Variants in DIP2B observed in about 807,000 individuals in gnomAD.
DIP2B encodes disco-interacting protein 2 homolog B.
In DIP2B, 76 loss-of-function variants were observed where a neutral mutation model predicts 198.0. The ratio of observed to expected loss-of-function variants is 0.38; its 90% confidence interval spans 0.32 to 0.46. The LOEUF (loss-of-function observed/expected upper bound fraction) is 0.46. Ranked by LOEUF, DIP2B falls within the 20% of genes least tolerant of loss-of-function variation. The probability of loss-of-function intolerance (pLI) is 0.99; values close to 1 mark genes in which losing one functional copy is unlikely to be tolerated. For synonymous variants in DIP2B, 701 were observed against 739.1 expected, an observed-to-expected ratio of 0.95 and a Z score of 0.84; for missense variants, 1,559 against 1,978.4, an observed-to-expected ratio of 0.79 and a Z score of 4.02.
intron 30 of DIP2B, 100 bp downstream of exon 30, chr12:50,728,778 C>T (rs1198916748): frequency 2.8e-6 from 4 of 1,449,602 alleles, no homozygotes; most frequent in African/African-American, 1.4e-5. Flanking sequence ...GGTAAAGTTT[C>T]AGTAAAATGC....
At chr12:50,570,492 C>T (rs1374946382) in intron 1 of DIP2B, among the ~76,000 whole-genome samples, 7 of 152,206 alleles carry the variant, frequency 4.6e-5, no homozygotes. Context: ...AGGCGGATCA[C>T]TTGCGGTCAG....
At chr12:50,682,819 G>A (rs1939067360) in intron 9 of DIP2B, among the ~76,000 whole-genome samples, 2 of 152,066 alleles carry the variant, frequency 1.3e-5, no homozygotes, top group South Asian at 4.2e-4. Context: ...AATTGCCTTG[G>A]GTTTCCTAAG....
At chr12:50,610,279 A>G (rs1473064417) in intron 1 of DIP2B, among the ~76,000 whole-genome samples, 2 of 152,250 alleles carry the variant, frequency 1.3e-5, no homozygotes, top group South Asian at 2.1e-4. Context: ...AATGGTGGGT[A>G]GAGTTTTTTT....
chr12:50,511,682 G>A (rs922528326), intron 1 of DIP2B, among the ~76,000 whole-genome samples: 4 of 151,186 alleles, frequency 2.6e-5, no homozygotes, highest in African/African-American at 9.7e-5. Flanking sequence ...AGGCGCAGTG[G>A]CTCACACCTG....
At chr12:50,616,086 G>T (rs1210640840) in intron 1 of DIP2B, among the ~76,000 whole-genome samples, 1 of 152,208 alleles carries the variant, frequency 6.6e-6, no homozygotes, top group Non-Finnish European at 1.5e-5. Context: ...GTTTGAACTT[G>T]CTTGGTGCCT....
chr12:50,665,558 C>T (rs1327560915), intron 4 of DIP2B, among the ~76,000 whole-genome samples: 8 of 152,174 alleles, frequency 5.3e-5, no homozygotes, highest in African/African-American at 1.4e-4. Context: ...GCCTGGGCAA[C>T]ATAGCAAGAG....
intron 12 of DIP2B, among the ~76,000 whole-genome samples, chr12:50,690,757 A>G (rs1327220511): frequency 6.6e-6 from 1 of 152,196 alleles, no homozygotes; most frequent in Non-Finnish European, 1.5e-5. Context: ...TTCTATTCAT[A>G]TAGCTCCAAT....
chr12:50,607,108 C>CT (rs35474259), intron 1 of DIP2B, among the ~76,000 whole-genome samples: 49,273 of 143,994 alleles, frequency 0.34, 8,934 homozygotes, highest in East Asian at 0.74. Flanking sequence ...TGCTTGGCTT[C>CT]TTTTTTTTTT....
Position 50,693,005 on chromosome 12 carries a change from A to G in DIP2B, c.1711A>G (p.Met571Val), listed in dbSNP as rs373834315. 2.2e-5 allele frequency: 35 copies of G among 1,611,236 alleles called. No homozygotes were observed. Among genetic ancestry groups the G allele is most frequent in the Non-Finnish European group, 2.8e-5 (33 of 1,179,384 alleles). Residue 571 changes from methionine to valine, a missense_variant, in exon 14 of 38, where the codon ATG (methionine) becomes GTG (valine). Transcript: ENST00000301180. Reference protein sequence around the residue: ...FKKDAGLWHGMFANVMNKMHT... With the variant: ...FKKDAGLWHGVFANVMNKMHT... ...GAAGGATGCTGGGCTGTGGCACGGC[A>G]TGTTTGCGGTAAGCTACTCAGATTT... is the stretch of plus-strand genomic sequence containing the variant.
intron 34 of DIP2B, among the ~76,000 whole-genome samples, chr12:50,735,539 C>G (rs1940123827): frequency 6.6e-6 from 1 of 151,824 alleles, no homozygotes. Context: ...GCGATCTCGG[C>G]TCACTGCAAC....
At position 50,608,731 on chromosome 12, in the gene DIP2B, T is replaced by C. The variant is rs184097160; in HGVS notation, c.101-17245T>C. ...CTTAATGCGTGTTCCTAGATAATTT[T>C]ACATTAGTTTAAAAGTTTCTTTGCA... On this transcript the variant is annotated intron_variant, in intron 1 of 37. Transcript: ENST00000301180. Among the ~76,000 whole-genome samples, 25 of 152,344 alleles carry C rather than the reference T, an allele frequency of 1.6e-4. No individual in the cohort carries two copies. The East Asian group carries it at 2.9e-3, about 18-fold the overall frequency.
intron 7 of DIP2B, 75 bp from the exon 8 acceptor site, chr12:50,678,604 A>G: frequency 9.7e-6 from 14 of 1,436,200 alleles, no homozygotes; most frequent in Non-Finnish European, 1.2e-5. Context: ...AGGAAGATGC[A>G]GTTGAGATTA....
intron 28 of DIP2B, among the ~76,000 whole-genome samples, chr12:50,726,906 A>C (rs1939947174): frequency 2.0e-5 from 3 of 152,054 alleles, no homozygotes; most frequent in Admixed American, 2.0e-4. Context: ...TGGGCTCAGG[A>C]GTTGGAGACT....
At chr12:50,546,422 C>T (rs1349250000) in intron 1 of DIP2B, among the ~76,000 whole-genome samples, 1 of 152,094 alleles carries the variant, frequency 6.6e-6, no homozygotes, top group Non-Finnish European at 1.5e-5. Flanking sequence ...GAGGCCATGC[C>T]TGAGATCAGT....
chr12:50,693,592 G>A (rs937781874), intron 14 of DIP2B, among the ~76,000 whole-genome samples: 1 of 152,166 alleles, frequency 6.6e-6, no homozygotes, highest in African/African-American at 2.4e-5. Context: ...GGAAGAGGAG[G>A]TGGATCCCTT....
chr12:50,728,046 T>G (rs1015039481), intron 29 of DIP2B, among the ~76,000 whole-genome samples: 1 of 152,216 alleles, frequency 6.6e-6, no homozygotes, highest in African/African-American at 2.4e-5. Context: ...AAAAAGAGTT[T>G]TAGTTAAAAT....
chr12:50,654,505 C>T (rs1016169872), intron 3 of DIP2B, among the ~76,000 whole-genome samples: 1 of 151,876 alleles, frequency 6.6e-6, no homozygotes, highest in Admixed American at 6.6e-5. Context: ...CAGGCACATG[C>T]CACCACATGG....
intron 7 of DIP2B, among the ~76,000 whole-genome samples, chr12:50,677,559 G>A (rs1938968520): frequency 6.6e-6 from 1 of 152,120 alleles, no homozygotes; most frequent in African/African-American, 2.4e-5. Context: ...AGGTTGCAGT[G>A]AGCCGAGATC....
In DIP2B at chr12:50,505,190, C is replaced by T. The variant is rs1384765015; in HGVS notation, c.50C>T (p.Pro17Leu). 6 of 1,524,462 alleles carry T rather than the reference C, an allele frequency of 3.9e-6. No homozygotes were observed. Among genetic ancestry groups the T allele is most frequent in the Non-Finnish European group, 5.3e-6 (6 of 1,141,496 alleles). The allele number at this position is 1,524,462 out of a possible 1,614,324, so 94.4% of individuals were successfully genotyped here. ...EPSPAAVAALPPEVRAQLAEL... is the reference protein window; with the variant it reads ...EPSPAAVAALLPEVRAQLAEL... ...TCGCCGGCCGCGGTGGCGGCGCTGC[C>T]GCCTGAAGTGCGGGCGCAGCTGGCG... is the stretch of plus-strand genomic sequence containing the variant. Residue 17 changes from proline (P) to leucine (L), a missense_variant, in exon 1 of 38, where the codon CCG (proline) becomes CTG (leucine). Transcript: ENST00000301180.
Sources: gnomAD v4.1 joint callset for allele counts (sites outside exome capture counted in the v4.1 genomes callset) on GRCh38, gnomAD v4.1.1 for gene constraint, MANE v1.5 for transcripts, NCBI Gene and HGNC (gene_info 2026-07-23, HGNC 2026-07-21) for gene names.